ZNF503: variants seen among roughly 807,000 people sequenced by gnomAD.
ZNF503 encodes NocA-like zinc finger 2.
ZNF503 carries 15 observed loss-of-function variants against 34.4 expected under a neutral mutation model. That is an observed-to-expected ratio of 0.44 (90% CI 0.29 to 0.67). ZNF503 has a LOEUF of 0.67. ZNF503 is among the 30% of genes least tolerant of loss of function. ZNF503 has a pLI of 0.13. For missense variants in ZNF503, 1,007 were observed against 926.8 expected, an observed-to-expected ratio of 1.09 and a Z score of -1.12; for synonymous variants, 580 against 456.8, an observed-to-expected ratio of 1.27 and a Z score of -3.44.
the ZNF503 span, among the ~76,000 whole-genome samples, chr10:75,353,490 C>A: frequency 6.6e-6 from 1 of 152,192 alleles, no homozygotes; most frequent in Non-Finnish European, 1.5e-5. Flanking sequence ...CAGCCACCCT[C>A]GGAAGGAGGC....
the ZNF503 span, among the ~76,000 whole-genome samples, chr10:75,340,003 C>T: frequency 8.8e-3 from 1,343 of 151,898 alleles, 24 homozygotes; most frequent in African/African-American, 0.03. Flanking sequence ...TTACTTGAGC[C>T]CAGGAGTTTG....
At chr10:75,318,713 C>A in the ZNF503 span, among the ~76,000 whole-genome samples, 1 of 145,788 alleles carries the variant, frequency 6.9e-6, no homozygotes, top group African/African-American at 2.5e-5. Context: ...ACTAGCAGAA[C>A]TATTCTAAAA....
Position 75,397,896 on chromosome 10 carries a change from TTA to T in ZNF503, c.*851_*852del, listed in dbSNP as rs1389824623. ...AATCTTTAAAGCGATACATTGTCTATTATTTTAGTACATGACGTAAACCTTGT... is the reference window on the plus strand; with the variant it reads ...AATCTTTAAAGCGATACATTGTCTATTTTTAGTACATGACGTAAACCTTGT... On this transcript the variant is annotated 3_prime_UTR_variant, in exon 2 of 2. Coordinates refer to ENST00000372524, the MANE Select transcript of ZNF503 (RefSeq NM_032772.6). 2 of 152,700 alleles carry T rather than the reference TTA, an allele frequency of 1.3e-5. No individual in the cohort carries two copies. Among genetic ancestry groups the T allele is most frequent in the African/African-American group, 2.4e-5 (1 of 41,466 alleles). The allele number at this position is 152,700 out of a possible 1,614,324, so 9.5% of individuals were successfully genotyped here. A position where few individuals can be genotyped will look rare whatever the true frequency, so the allele number is the denominator to read the frequency against.
chr10:75,309,673 CAG>C, the ZNF503 span, among the ~76,000 whole-genome samples: 1 of 152,156 alleles, frequency 6.6e-6, no homozygotes, highest in Non-Finnish European at 1.5e-5. Context: ...GTCTGGGAAA[CAG>C]AAAATTAATG....
chr10:75,396,281 G>T (rs965348326), downstream of ZNF503, among the ~76,000 whole-genome samples: 2 of 152,220 alleles, frequency 1.3e-5, no homozygotes, highest in African/African-American at 4.8e-5. This position sits in a 1 kb window ranked among gnomAD's most constrained non-coding sequence, Gnocchi z 4.4. Context: ...GACGCTGCGG[G>T]CCAGGGGTCC....
chr10:75,287,390 C>T, the ZNF503 span, among the ~76,000 whole-genome samples: 4 of 152,126 alleles, frequency 2.6e-5, no homozygotes, highest in African/African-American at 9.7e-5. Context: ...TCCCCTGGTC[C>T]TAGGGGACAT....
At chr10:75,367,796 A>G in the ZNF503 span, among the ~76,000 whole-genome samples, 6 of 152,210 alleles carry the variant, frequency 3.9e-5, no homozygotes, top group Admixed American at 2.0e-4. Context: ...TATCACAGCC[A>G]TTCCTCACAT....
the ZNF503 span, among the ~76,000 whole-genome samples, chr10:75,391,181 T>C: frequency 6.6e-6 from 1 of 152,194 alleles, no homozygotes; most frequent in East Asian, 1.9e-4. Flanking sequence ...GGTGGCAGTG[T>C]ACCCAACTAA....
Position 75,398,207 on chromosome 10 carries a change from GTACAA to G in ZNF503, c.*537_*541del, listed in dbSNP as rs1478875416. 1 of 152,158 alleles carries G rather than the reference GTACAA, an allele frequency of 6.6e-6. No homozygotes were observed. The highest frequency in any genetic ancestry group is 1.5e-5 in the Non-Finnish European group (1 of 68,040). The allele number at this position is 152,158 out of a possible 1,614,324, so 9.4% of individuals were successfully genotyped here. Reference sequence around the variant, plus strand: ...GTGTTTCAATCAGACATTAAATAACGTACAATACAATCATAGCAATTTTAAAGTAA... The same window carrying G: ...GTGTTTCAATCAGACATTAAATAACGTACAATCATAGCAATTTTAAAGTAA... On this transcript the variant is annotated 3_prime_UTR_variant, in exon 2 of 2. Coordinates refer to ENST00000372524, the MANE Select transcript of ZNF503 (RefSeq NM_032772.6).
At chr10:75,382,261 T>A in the ZNF503 span, 27 of 223,030 alleles carry the variant, frequency 1.2e-4, no homozygotes, top group Non-Finnish European at 2.2e-4. Flanking sequence ...TCATGACAGA[T>A]TTTCACAACA....
the ZNF503 span, among the ~76,000 whole-genome samples, chr10:75,379,160 A>G: frequency 1.3e-4 from 20 of 152,176 alleles, no homozygotes; most frequent in Non-Finnish European, 2.6e-4. Flanking sequence ...AATGCATTTT[A>G]AAATATGTAA....
Position 75,398,832 on chromosome 10 carries a change from G to C in ZNF503, c.1858C>G (p.Pro620Ala). 1 of 1,500,068 alleles carries C rather than the reference G, an allele frequency of 6.7e-7. No individual in the cohort carries two copies. The highest frequency in any genetic ancestry group is 8.8e-7 in the Non-Finnish European group (1 of 1,130,920). 92.9% of individuals were successfully genotyped at this position (1,500,068 alleles called of 1,614,324 possible). The change falls in exon 2 of 2, where the codon CCC becomes GCC. Residue 620 changes from proline (P) to alanine (A), a missense_variant. Coordinates refer to ENST00000372524, the MANE Select transcript of ZNF503 (RefSeq NM_032772.6). ...GAGTAGTACGGTCCGGTGGCGGCGG[G>C]CACCGGCACGGGGGCGCCAGGCGTG... ...LPTPGAPVPV[P>A]AATGPYYSPY...
rs575403442 is a variant in ZNF503, at chr10:75,401,679, G to A, written c.-260C>T. 6.4e-4 allele frequency: 306 copies of A among 480,314 alleles called. 2 individuals are homozygous for A. Among genetic ancestry groups the A allele is most frequent in the Middle Eastern group, 1.7e-3 (3 of 1,804 alleles). 29.8% of individuals were successfully genotyped at this position (480,314 alleles called of 1,614,324 possible). ...CGGGCGGCTCGCGGTGTCCGCCTCGGGCTGCTCCCCTGCGCTGCGTTCTCG... is the reference window on the plus strand; with the variant it reads ...CGGGCGGCTCGCGGTGTCCGCCTCGAGCTGCTCCCCTGCGCTGCGTTCTCG... On this transcript the variant is annotated 5_prime_UTR_variant, in exon 1 of 2. Transcript: ENST00000372524.
the ZNF503 span, among the ~76,000 whole-genome samples, chr10:75,339,295 G>T: frequency 6.6e-6 from 1 of 152,208 alleles, no homozygotes; most frequent in African/African-American, 2.4e-5. Flanking sequence ...TCTGTTTGGA[G>T]TAGGAAGATG....
the ZNF503 span, among the ~76,000 whole-genome samples, chr10:75,351,731 A>C: frequency 0.012 from 1,781 of 152,034 alleles, 19 homozygotes; most frequent in African/African-American, 0.025. Context: ...TCCCTCTACT[A>C]TTCATGAGCC....
the ZNF503 span, among the ~76,000 whole-genome samples, chr10:75,310,443 G>A: frequency 6.6e-5 from 10 of 152,178 alleles, no homozygotes; most frequent in Non-Finnish European, 1.0e-4. Context: ...CAAAGGATCA[G>A]GAAAAGGGTA....
the ZNF503 span, among the ~76,000 whole-genome samples, chr10:75,286,061 T>C: frequency 2.0e-5 from 3 of 152,058 alleles, no homozygotes; most frequent in African/African-American, 7.2e-5. Flanking sequence ...GGCAGGTGGA[T>C]CACTTGAGGT....
chr10:75,313,758 G>C, the ZNF503 span, among the ~76,000 whole-genome samples: 1 of 152,228 alleles, frequency 6.6e-6, no homozygotes, highest in Non-Finnish European at 1.5e-5. Flanking sequence ...TAAACAGCCA[G>C]CTCAAATCTG....
At chr10:75,340,379 T>A in the ZNF503 span, among the ~76,000 whole-genome samples, 1 of 152,234 alleles carries the variant, frequency 6.6e-6, no homozygotes, top group East Asian at 1.9e-4. Context: ...AAAATGTTCA[T>A]ATACTTTATC....
Sources: gnomAD v4.1 joint callset for allele counts (sites outside exome capture counted in the v4.1 genomes callset) on GRCh38, gnomAD v4.1.1 for gene constraint, Gnocchi (gnomAD v3.1) non-coding constraint, MANE v1.5 for transcripts, NCBI Gene and HGNC (gene_info 2026-07-23, HGNC 2026-07-21) for gene names.